CEP290: variants seen among roughly 807,000 people sequenced by gnomAD.
The protein encoded by CEP290 is centrosomal protein 290, also known as centrosomal protein of 290 kDa.
In CEP290, 317 loss-of-function variants were observed where a neutral mutation model predicts 344.9. That is an observed-to-expected ratio of 0.92 (90% CI 0.84 to 1.01). CEP290 has a LOEUF of 1.01. Among genes scored for constraint, CEP290 ranks in the 50% least tolerant of loss-of-function variants. CEP290 has a pLI of 0.00. For missense variants in CEP290, 2,754 were observed against 2,761.4 expected, an observed-to-expected ratio of 1.00 and a Z score of 0.06; for synonymous variants, 932 against 895.8, an observed-to-expected ratio of 1.04 and a Z score of -0.72.
In CEP290 at chr12:88,102,931, A is replaced by G. The variant is rs2137542191; in HGVS notation, c.2898T>C (p.Asn966=). 10 of 1,605,464 alleles carry G rather than the reference A, an allele frequency of 6.2e-6. No homozygotes were observed. Among genetic ancestry groups the G allele is most frequent in the Non-Finnish European group, 8.5e-6 (10 of 1,176,962 alleles). ...SVSLSELELA[N]KQYNELTAKY... ...TAGCAGTCAGTTCATTGTACTGTTT[A>G]TTAGCCAGTTCTAGTTCAGACAAAG... The change falls in exon 26 of 54, where the codon AAT becomes AAC. Residue 966 remains asparagine, a synonymous_variant. Coordinates refer to ENST00000552810, the MANE Select transcript of CEP290 (RefSeq NM_025114.4).
chr12:88,075,374 CT>C (rs1284668197), intron 41 of CEP290, among the ~76,000 whole-genome samples: 4 of 151,990 alleles, frequency 2.6e-5, no homozygotes, highest in Non-Finnish European at 5.9e-5. Flanking sequence ...GTACCAAAAG[CT>C]TCGTATGCAT....
chr12:88,049,530 A>G (rs2033272945), intron 53 of CEP290, 116 bp from the exon 54 acceptor site: 1 of 640,220 alleles, frequency 1.6e-6, no homozygotes, highest in South Asian at 2.0e-5. Flanking sequence ...GGTCAAATAC[A>G]GCAATAAAGG....
chr12:88,103,427 T>C (rs1380129316), intron 25 of CEP290: 3 of 153,604 alleles, frequency 2.0e-5, no homozygotes, highest in African/African-American at 4.8e-5. Context: ...TTATGCTTAT[T>C]GTAAGTTAAA....
At position 88,058,828 on chromosome 12, in the gene CEP290, G is replaced by A. The variant is rs781266350; in HGVS notation, c.6818+20C>T. ...TTTGAAATGATTAAACTTTGTACAAGTTTAAAACTCTGTTCCTACCTTGTA... is the reference window on the plus strand; with the variant it reads ...TTTGAAATGATTAAACTTTGTACAAATTTAAAACTCTGTTCCTACCTTGTA... On this transcript the variant is annotated intron_variant, in intron 49 of 53. Coordinates refer to ENST00000552810, the MANE Select transcript of CEP290 (RefSeq NM_025114.4). 7.5e-6 allele frequency: 12 copies of A among 1,610,670 alleles called. No individual in the cohort carries two copies. The highest frequency in any genetic ancestry group is 3.4e-5 in the Admixed American group (2 of 59,546).
chr12:88,132,610 CAA>C (rs1284333835), intron 6 of CEP290, among the ~76,000 whole-genome samples: 3 of 152,068 alleles, frequency 2.0e-5, no homozygotes, highest in African/African-American at 7.2e-5. Flanking sequence ...ATTGAACAAA[CAA>C]GAGACAGAGA....
At chr12:88,132,456 T>A (rs1276841270) in intron 6 of CEP290, among the ~76,000 whole-genome samples, 1 of 152,246 alleles carries the variant, frequency 6.6e-6, no homozygotes, top group Admixed American at 6.5e-5. Context: ...TGGTGTTGAA[T>A]CAATATTAAA....
At chr12:88,066,469 G>GTTTTTTTTTTT (rs1555199995) in intron 44 of CEP290, among the ~76,000 whole-genome samples, 1 of 37,200 alleles carries the variant, frequency 2.7e-5, no homozygotes. Flanking sequence ...CCAGCTAATT[G>GTTTTTTTTTTT]TTTCTTTTTT....
chr12:88,133,072 GTTTTTTTTTT>G (rs778943616), intron 6 of CEP290, among the ~76,000 whole-genome samples: 1 of 129,046 alleles, frequency 7.7e-6, no homozygotes, highest in Admixed American at 7.9e-5. Context: ...TCTTGTTCCG[GTTTTTTTTTT>G]TTTTTTTTTT....
At chr12:88,115,746 T>G in intron 18 of CEP290, 1 of 946,958 alleles carries the variant, frequency 1.1e-6, no homozygotes, top group Non-Finnish European at 1.3e-6. Context: ...CACAGAAATA[T>G]AATTTGGAGA....
intron 7 of CEP290, 103 bp downstream of exon 7, chr12:88,131,062 T>C: frequency 1.1e-6 from 1 of 880,214 alleles, no homozygotes; most frequent in Non-Finnish European, 1.6e-6. Flanking sequence ...CATCAGTTAC[T>C]TAGAAGACTC....
At chr12:88,136,359 C>A in intron 6 of CEP290, 3 of 336,122 alleles carry the variant, frequency 8.9e-6, no homozygotes, top group Non-Finnish European at 1.1e-5. Context: ...TACTTGATAC[C>A]AATCTTCCAG....
chr12:88,111,924 C>G, intron 20 of CEP290, 66 bp from the exon 21 acceptor site: 2 of 1,181,736 alleles, frequency 1.7e-6, no homozygotes, highest in Non-Finnish European at 2.3e-6. Context: ...AAAAAACAGT[C>G]TGTCTTTAAA....
intron 43 of CEP290, among the ~76,000 whole-genome samples, 185 bp downstream of exon 43, chr12:88,071,109 T>A (rs568901402): frequency 6.6e-6 from 1 of 152,176 alleles, no homozygotes; most frequent in South Asian, 2.1e-4. Context: ...TCTCACAATA[T>A]AATATTCAAA....
In CEP290 at chr12:88,078,304, G is replaced by T. The variant is rs138730033; in HGVS notation, c.5365-386C>A. Among the ~76,000 whole-genome samples, 40 of 152,202 alleles carry T rather than the reference G, an allele frequency of 2.6e-4. 1 individual carries two copies. Among genetic ancestry groups the T allele is most frequent in the African/African-American group, 9.6e-4 (40 of 41,558 alleles). On this transcript the variant is annotated intron_variant, in intron 39 of 53. Transcript: ENST00000552810. ...GTAGTACAGAACAAATCTCTGACTT[G>T]AAGTAATTTCTAACCTAGTTTACAA...
chr12:88,089,809 C>G (rs753259063), intron 30 of CEP290, among the ~76,000 whole-genome samples: 3 of 151,566 alleles, frequency 2.0e-5, no homozygotes, highest in Non-Finnish European at 4.4e-5. Flanking sequence ...TCACTGCAAC[C>G]TCCACCTCCC....
chr12:88,115,489 G>T, intron 18 of CEP290: 1 of 1,301,904 alleles, frequency 7.7e-7, no homozygotes, highest in Non-Finnish European at 1.0e-6. Context: ...TGTTCTGCCT[G>T]GCTTCTGTGA....
chr12:88,121,279 A>T (rs2039384108), intron 13 of CEP290, 113 bp from the exon 14 acceptor site: 1 of 706,174 alleles, frequency 1.4e-6, no homozygotes, highest in Admixed American at 3.5e-5. Context: ...AATCCTTTAA[A>T]GTTGTCATTT....
At chr12:88,061,478 T>A (rs962511491) in intron 46 of CEP290, among the ~76,000 whole-genome samples, 1 of 152,202 alleles carries the variant, frequency 6.6e-6, no homozygotes, top group Non-Finnish European at 1.5e-5. Context: ...AGAAGAGTTA[T>A]CTGAAATAAA....
At chr12:88,135,474 G>A (rs1274294473) in intron 6 of CEP290, among the ~76,000 whole-genome samples, 1 of 152,084 alleles carries the variant, frequency 6.6e-6, no homozygotes, top group Non-Finnish European at 1.5e-5. Context: ...GATCCTTGAT[G>A]ACTATTAAAA....
Sources: gnomAD v4.1 joint callset for allele counts (sites outside exome capture counted in the v4.1 genomes callset) on GRCh38, gnomAD v4.1.1 for gene constraint, MANE v1.5 for transcripts, NCBI Gene and HGNC (gene_info 2026-07-23, HGNC 2026-07-21) for gene names.